GALNT13: variants seen among roughly 807,000 people sequenced by gnomAD.
GALNT13 encodes the protein UDP-GalNAc:polypeptide N-acetylgalactosaminyltransferase 13.
Under a neutral mutation model 64.2 loss-of-function variants are expected in GALNT13, and 28 were observed. The ratio of observed to expected loss-of-function variants is 0.44; its 90% confidence interval spans 0.32 to 0.60. The LOEUF (loss-of-function observed/expected upper bound fraction) is 0.60. Among genes scored for constraint, GALNT13 ranks in the 20% least tolerant of loss-of-function variants. The pLI is 0.05. For missense variants in GALNT13, 577 were observed against 669.8 expected (o/e 0.86, Z 1.53); for synonymous variants, 214 against 224.6 (o/e 0.95, Z 0.42).
the GALNT13 span, among the ~76,000 whole-genome samples, chr2:153,781,303 T>C: frequency 6.6e-6 from 1 of 152,228 alleles, no homozygotes; most frequent in Non-Finnish European, 1.5e-5. Context: ...GCTTTGCCAC[T>C]GAGCAGGTAC....
At chr2:154,418,612 A>AT (rs1700127465) in intron 11 of GALNT13, among the ~76,000 whole-genome samples, 1 of 151,982 alleles carries the variant, frequency 6.6e-6, no homozygotes, top group Non-Finnish European at 1.5e-5. Flanking sequence ...CTGATACCTG[A>AT]TTCCCACCCA....
chr2:154,361,652 C>T (rs76037817), intron 9 of GALNT13, among the ~76,000 whole-genome samples: 1 of 152,214 alleles, frequency 6.6e-6, no homozygotes, highest in African/African-American at 2.4e-5. Context: ...ATTTCTGTCA[C>T]ATAGTGAGTA....
intron 8 of GALNT13, among the ~76,000 whole-genome samples, chr2:154,300,099 CTTT>C (rs368475927): frequency 8.5e-6 from 1 of 117,040 alleles, no homozygotes. Context: ...TTCTTTCTCT[CTTT>C]TTTTTTTTTT....
chr2:153,814,986 T>G, the GALNT13 span, among the ~76,000 whole-genome samples: 1 of 152,156 alleles, frequency 6.6e-6, no homozygotes, highest in South Asian at 2.1e-4. Context: ...GAACTACAAT[T>G]CAACCCCCTG....
intron 9 of GALNT13, among the ~76,000 whole-genome samples, chr2:154,372,061 A>G (rs1386002864): frequency 6.6e-6 from 1 of 152,118 alleles, no homozygotes; most frequent in Non-Finnish European, 1.5e-5. Flanking sequence ...CTCATCAAGA[A>G]TGGGAAATAA....
chr2:154,119,886 T>G (rs1681833109), intron 3 of GALNT13, among the ~76,000 whole-genome samples: 1 of 152,206 alleles, frequency 6.6e-6, no homozygotes, highest in Admixed American at 6.5e-5. Context: ...GCTTTTTAAA[T>G]GAGCATTATT....
the GALNT13 span, chr2:153,478,142 G>A: frequency 1.0e-6 from 1 of 956,610 alleles, no homozygotes; most frequent in South Asian, 1.7e-5. Flanking sequence ...GACTCCGACA[G>A]GTTTGCTTCG....
intron 3 of GALNT13, among the ~76,000 whole-genome samples, chr2:154,093,355 A>G (rs1010298285): frequency 6.6e-6 from 1 of 152,006 alleles, no homozygotes; most frequent in Non-Finnish European, 1.5e-5. Context: ...GTAAAGAGTA[A>G]TTAATGCCCA....
the GALNT13 span, chr2:153,478,626 T>A: frequency 7.4e-7 from 1 of 1,351,356 alleles, no homozygotes; most frequent in East Asian, 2.5e-5. Context: ...GCGGCGGCGC[T>A]GGAGGAACAG....
At chr2:153,989,012 T>A (rs1694991835) in intron 3 of GALNT13, among the ~76,000 whole-genome samples, 1 of 151,902 alleles carries the variant, frequency 6.6e-6, no homozygotes, top group Non-Finnish European at 1.5e-5. Flanking sequence ...GCCACATGCT[T>A]GTAATAATAG....
chr2:154,082,987 A>G (rs1293853175), intron 3 of GALNT13, among the ~76,000 whole-genome samples: 4 of 152,014 alleles, frequency 2.6e-5, no homozygotes, highest in Non-Finnish European at 4.4e-5. Flanking sequence ...GTCTTTGCAC[A>G]TGCCTTTGTC....
At chr2:154,225,157 A>ACAT (rs1688540085) in intron 4 of GALNT13, among the ~76,000 whole-genome samples, 2 of 64,998 alleles carry the variant, frequency 3.1e-5, no homozygotes, top group Non-Finnish European at 6.7e-5. Context: ...ACAGATAGAT[A>ACAT]GATGATAGAT....
chr2:153,277,996 G>A, the GALNT13 span, among the ~76,000 whole-genome samples: 11 of 132,986 alleles, frequency 8.3e-5, no homozygotes, highest in African/African-American at 3.2e-4. Flanking sequence ...TAGCGATCTC[G>A]GCTCACTGCA....
the GALNT13 span, among the ~76,000 whole-genome samples, chr2:153,157,517 A>G: frequency 6.6e-6 from 1 of 152,160 alleles, no homozygotes; most frequent in Non-Finnish European, 1.5e-5. Context: ...TAAACGTTAC[A>G]CAGCACAGGT....
the GALNT13 span, among the ~76,000 whole-genome samples, chr2:153,814,778 T>C: frequency 1.3e-5 from 2 of 152,194 alleles, no homozygotes; most frequent in African/African-American, 2.4e-5. Context: ...TCAGGCCTTA[T>C]AAACCGTAAT....
chr2:153,955,422 G>A (rs974029090), intron 3 of GALNT13, among the ~76,000 whole-genome samples: 2 of 152,184 alleles, frequency 1.3e-5, no homozygotes, highest in Admixed American at 1.3e-4. Context: ...GCAGAAGAAA[G>A]TGAAGTACCA....
the GALNT13 span, among the ~76,000 whole-genome samples, chr2:153,305,424 G>C: frequency 6.6e-6 from 1 of 152,108 alleles, no homozygotes; most frequent in African/African-American, 2.4e-5. Context: ...TGCTATTGGA[G>C]GTGGTTTCAT....
intron 3 of GALNT13, among the ~76,000 whole-genome samples, chr2:153,964,319 C>T (rs780265018): frequency 1.3e-5 from 2 of 152,018 alleles, no homozygotes; most frequent in Admixed American, 6.6e-5. Flanking sequence ...CATGGTGGTG[C>T]GTGCCTGTAA....
intron 11 of GALNT13, among the ~76,000 whole-genome samples, chr2:154,412,362 G>C (rs1699831335): frequency 6.6e-6 from 1 of 151,322 alleles, no homozygotes; most frequent in Non-Finnish European, 1.5e-5. Flanking sequence ...ACCCTCCCTG[G>C]TTTTATTGCT....
Sources: allele counts gnomAD v4.1 joint callset (sites outside exome capture counted in the v4.1 genomes callset), GRCh38; gene constraint gnomAD v4.1.1; transcripts MANE v1.5; gene names NCBI Gene and HGNC (gene_info 2026-07-23, HGNC 2026-07-21).